The following EPM2A variants were observed in gnomAD, a reference collection of about 807,000 sequenced individuals.
EPM2A encodes the protein laforin.
Under a neutral mutation model 26.5 loss-of-function variants are expected in EPM2A, and 21 were observed. The ratio of observed to expected loss-of-function variants is 0.79; its 90% confidence interval spans 0.56 to 1.14. EPM2A has a LOEUF of 1.14. Among genes scored for constraint, EPM2A ranks in the 50% most tolerant of loss-of-function variants. The pLI is 0.00. For synonymous variants in EPM2A, 217 were observed against 177.6 expected (o/e 1.22, Z -1.76); for missense variants, 458 against 440.8 (o/e 1.04, Z -0.35).
chr6:145,575,024 C>A (rs1781011398), intron 2 of EPM2A, among the ~76,000 whole-genome samples: 1 of 152,108 alleles, frequency 6.6e-6, no homozygotes, highest in South Asian at 2.1e-4. Flanking sequence ...GGACTTTAGT[C>A]TAGTTATAGG....
chr6:145,654,304 C>G (rs930232813), intron 2 of EPM2A, among the ~76,000 whole-genome samples: 2 of 151,934 alleles, frequency 1.3e-5, no homozygotes, highest in African/African-American at 4.8e-5. Flanking sequence ...GCCTCAGCCT[C>G]CCAAGTAGCT....
intron 4 of EPM2A, among the ~76,000 whole-genome samples, chr6:145,393,006 T>G (rs1328635393): frequency 6.6e-6 from 1 of 152,130 alleles, no homozygotes; most frequent in Non-Finnish European, 1.5e-5. Flanking sequence ...AAAAAAACTT[T>G]CAGACAGAAT....
chr6:145,474,138 A>G (rs1043467079), intron 4 of EPM2A, among the ~76,000 whole-genome samples: 2 of 152,146 alleles, frequency 1.3e-5, no homozygotes, highest in Non-Finnish European at 2.9e-5. Context: ...GTACAATAAG[A>G]TATAAATAGA....
chr6:145,447,069 C>A (rs527256355), intron 4 of EPM2A, among the ~76,000 whole-genome samples: 62 of 152,104 alleles, frequency 4.1e-4, no homozygotes, highest in African/African-American at 1.4e-3. Flanking sequence ...TATTATATGT[C>A]TCTTCAGTAT....
At chr6:145,431,138 G>C (rs547461858) in intron 4 of EPM2A, among the ~76,000 whole-genome samples, 6 of 152,282 alleles carry the variant, frequency 3.9e-5, no homozygotes, top group African/African-American at 1.4e-4. Context: ...CAGAGAGATA[G>C]AAAATAATTG....
chr6:145,391,901 G>A (rs1375360742), intron 4 of EPM2A, among the ~76,000 whole-genome samples: 1 of 150,898 alleles, frequency 6.6e-6, no homozygotes, highest in Non-Finnish European at 1.5e-5. Flanking sequence ...ATTTCTCTTG[G>A]CCCTGGGTCT....
At chr6:145,505,040 A>C (rs1227884744) in intron 2 of EPM2A, among the ~76,000 whole-genome samples, 2 of 127,852 alleles carry the variant, frequency 1.6e-5, no homozygotes, top group Non-Finnish European at 3.3e-5. Context: ...GTGGGAATTG[A>C]ACAATGAGAT....
intron 2 of EPM2A, among the ~76,000 whole-genome samples, chr6:145,570,462 A>G (rs912940151): frequency 6.6e-6 from 1 of 152,260 alleles, no homozygotes; most frequent in Non-Finnish European, 1.5e-5. Flanking sequence ...CTTATGTCAC[A>G]TGATAAAGGA....
chr6:145,513,206 C>A, intron 2 of EPM2A, among the ~76,000 whole-genome samples: 1 of 151,866 alleles, frequency 6.6e-6, no homozygotes, highest in Non-Finnish European at 1.5e-5. Flanking sequence ...AACAACTCAA[C>A]AAGAAAAAAA....
At chr6:145,505,507 T>C (rs1161228466) in intron 2 of EPM2A, among the ~76,000 whole-genome samples, 1 of 152,148 alleles carries the variant, frequency 6.6e-6, no homozygotes, top group Non-Finnish European at 1.5e-5. Flanking sequence ...ACATAGTCAG[T>C]ATATTTTAAA....
At chr6:145,674,964 A>G (rs1165627677) in intron 2 of EPM2A, among the ~76,000 whole-genome samples, 1 of 152,172 alleles carries the variant, frequency 6.6e-6, no homozygotes. Flanking sequence ...AAGAAGAGCA[A>G]CCACAAGACA....
intron 4 of EPM2A, among the ~76,000 whole-genome samples, chr6:145,483,295 A>G (rs1293937464): frequency 2.0e-5 from 3 of 152,040 alleles, no homozygotes. Context: ...CTCCAGCATT[A>G]CTCAGCTTTC....
In EPM2A at chr6:145,626,316, T is replaced by C. The variant is rs1266269047; in HGVS notation, c.*1100A>G. The C allele has an allele frequency of 1.0e-6, 1 of 986,156 alleles. No individual in the cohort carries two copies. The highest frequency in any genetic ancestry group is 1.2e-6 in the Non-Finnish European group (1 of 830,224). The allele number at this position is 986,156 out of a possible 1,614,324, so 61.1% of individuals were successfully genotyped here. ...CACAGGAACTGCATATTATACTAAA[T>C]TGAGAGCTGAGCCAGGATGGCCAAG... On this transcript the variant is annotated 3_prime_UTR_variant, in exon 4 of 4. Coordinates refer to ENST00000367519, the MANE Select transcript of EPM2A (RefSeq NM_005670.4).
rs79086340 is a variant in EPM2A, at chr6:145,456,088, A to C, written c.555+46434T>G. The stretch of plus-strand genomic sequence containing the variant: ...GTTCTTATTGTATGTAAATGTGCAC[A>C]CTGAAGTGAAGAAGAAGGGGGATGC... On this transcript the variant is annotated intron_variant, in intron 4 of 4. Coordinates refer to the EPM2A transcript ENST00000638717. 3.1e-3 allele frequency among the ~76,000 whole-genome samples: 473 copies of C among 152,320 alleles called. 10 individuals are homozygous for C. In the East Asian group the frequency reaches 0.054, roughly 17 times the overall value.
At chr6:145,397,360 G>A (rs1778419492) in intron 4 of EPM2A, among the ~76,000 whole-genome samples, 1 of 152,164 alleles carries the variant, frequency 6.6e-6, no homozygotes, top group Non-Finnish European at 1.5e-5. Context: ...AGAACTGCTT[G>A]AGCCCAGGAG....
At chr6:145,586,803 C>T (rs545606059) in intron 2 of EPM2A, among the ~76,000 whole-genome samples, 1 of 152,202 alleles carries the variant, frequency 6.6e-6, no homozygotes, top group South Asian at 2.1e-4. Context: ...GTAGATATGT[C>T]TTCAACCCAA....
At chr6:145,564,865 G>T (rs1780861679) in intron 2 of EPM2A, among the ~76,000 whole-genome samples, 1 of 152,042 alleles carries the variant, frequency 6.6e-6, no homozygotes, top group African/African-American at 2.4e-5. Flanking sequence ...CATTCAGCTG[G>T]AAGGGGATCT....
intron 4 of EPM2A, among the ~76,000 whole-genome samples, chr6:145,459,573 T>C (rs1011112600): frequency 6.6e-6 from 1 of 152,192 alleles, no homozygotes; most frequent in Non-Finnish European, 1.5e-5. Context: ...ATTTAAATAA[T>C]ATTCAAATAA....
At chr6:145,400,617 C>T (rs562526683) in intron 4 of EPM2A, among the ~76,000 whole-genome samples, 3 of 152,276 alleles carry the variant, frequency 2.0e-5, no homozygotes, top group East Asian at 1.9e-4. Context: ...CTGCTTCAAC[C>T]TTTGACATAT....
Sources: gnomAD v4.1 joint callset for allele counts (sites outside exome capture counted in the v4.1 genomes callset) on GRCh38, gnomAD v4.1.1 for gene constraint, MANE v1.5 for transcripts, NCBI Gene and HGNC (gene_info 2026-07-23, HGNC 2026-07-21) for gene names.